Variants in FOXN3 observed in about 807,000 individuals in gnomAD.
FOXN3 encodes the protein forkhead box N3.
FOXN3 carries 7 observed loss-of-function variants against 38.4 expected under a neutral mutation model. The observed-to-expected ratio is 0.18, with a 90% CI of 0.10 to 0.34. The LOEUF is 0.34. FOXN3 is among the 10% of genes least tolerant of loss of function. FOXN3 has a pLI of 1.00. For missense variants in FOXN3, 456 were observed against 613.4 expected (o/e 0.74, Z 2.71); for synonymous variants, 230 against 242.2 (o/e 0.95, Z 0.47).
chr14:89,222,829 T>A (rs943796479), intron 4 of FOXN3, among the ~76,000 whole-genome samples: 1 of 152,160 alleles, frequency 6.6e-6, no homozygotes, highest in Non-Finnish European at 1.5e-5. Flanking sequence ...AAAATAAAAA[T>A]TTTAAAAAAG....
At chr14:89,344,061 C>T (rs904389034) in intron 3 of FOXN3, among the ~76,000 whole-genome samples, 3 of 152,080 alleles carry the variant, frequency 2.0e-5, no homozygotes, top group Non-Finnish European at 2.9e-5. Flanking sequence ...CGCATCGAGC[C>T]GAGAAACTTT....
intron 1 of FOXN3, among the ~76,000 whole-genome samples, chr14:89,475,729 T>C (rs767355757): frequency 1.3e-5 from 2 of 152,216 alleles, no homozygotes; most frequent in Non-Finnish European, 2.9e-5. Flanking sequence ...AACAGCCTTG[T>C]GCCATTCCAT....
intron 5 of FOXN3, among the ~76,000 whole-genome samples, chr14:89,174,647 C>T (rs1887474519): frequency 6.6e-6 from 1 of 152,142 alleles, no homozygotes; most frequent in Non-Finnish European, 1.5e-5. Flanking sequence ...TGAGGAGCAG[C>T]TCTAGAATGT....
chr14:89,322,624 G>A (rs1353584260), intron 3 of FOXN3, among the ~76,000 whole-genome samples: 1 of 152,182 alleles, frequency 6.6e-6, no homozygotes, highest in African/African-American at 2.4e-5. Flanking sequence ...GGGGACCGGT[G>A]GGGCAGTCAA....
intron 1 of FOXN3, among the ~76,000 whole-genome samples, chr14:89,608,065 G>A (rs529374597): frequency 1.3e-5 from 2 of 151,126 alleles, no homozygotes; most frequent in East Asian, 2.0e-4. Flanking sequence ...TGAAAGCTCC[G>A]CTTCCCAGGT....
intron 2 of FOXN3, chr14:89,353,586 A>C (rs1452421702): frequency 6.6e-6 from 1 of 152,032 alleles, no homozygotes; most frequent in East Asian, 1.9e-4. Flanking sequence ...CACACTCACT[A>C]CTGGGACTTC....
chr14:89,478,075 G>C (rs78996853), intron 1 of FOXN3, among the ~76,000 whole-genome samples: 2,298 of 152,266 alleles, frequency 0.015, 51 homozygotes, highest in African/African-American at 0.052. Context: ...TCATGGGGGA[G>C]GAACCCTCAT....
intron 1 of FOXN3, among the ~76,000 whole-genome samples, chr14:89,524,349 T>TG (rs1894385145): frequency 1.0e-5 from 1 of 99,686 alleles, no homozygotes. Context: ...CACTCCAGCC[T>TG]GGCGACAGCA....
intron 3 of FOXN3, among the ~76,000 whole-genome samples, chr14:89,342,722 G>A (rs986623605): frequency 2.6e-5 from 4 of 152,048 alleles, no homozygotes; most frequent in African/African-American, 9.7e-5. Context: ...TCTCCTACCT[G>A]TTTAGCACCA....
At chr14:89,605,425 T>C (rs1195855726) in intron 1 of FOXN3, among the ~76,000 whole-genome samples, 1 of 150,614 alleles carries the variant, frequency 6.6e-6, no homozygotes, top group Admixed American at 6.6e-5. Context: ...CAAACTACTA[T>C]AGAATACATA....
At chr14:89,250,200 T>G (rs1885413811) in intron 4 of FOXN3, among the ~76,000 whole-genome samples, 1 of 152,216 alleles carries the variant, frequency 6.6e-6, no homozygotes, top group African/African-American at 2.4e-5. Context: ...AGCCTTGACT[T>G]CCTGGGCTCA....
At chr14:89,461,104 C>T (rs143505202) in intron 1 of FOXN3, among the ~76,000 whole-genome samples, 4,558 of 151,954 alleles carry the variant, frequency 0.03, 101 homozygotes, top group Admixed American at 0.045. Context: ...GAGGCCGAGG[C>T]AGGCGGATCA....
intron 2 of FOXN3, chr14:89,364,547 C>A (rs777853360): frequency 4.6e-5 from 7 of 152,324 alleles, no homozygotes; most frequent in Middle Eastern, 3.4e-3. Flanking sequence ...GCATCAGGAG[C>A]TGGATACAGA....
chr14:89,349,807 G>A (rs1402641149), intron 3 of FOXN3: 1 of 152,124 alleles, frequency 6.6e-6, no homozygotes, highest in Non-Finnish European at 1.5e-5. Context: ...CAAAGAAGTG[G>A]ACTGTAAAAT....
chr14:89,365,409 T>C (rs958483418), intron 2 of FOXN3, among the ~76,000 whole-genome samples: 2 of 152,224 alleles, frequency 1.3e-5, no homozygotes, highest in Admixed American at 1.3e-4. Context: ...TATATTGACT[T>C]TGAAATACTG....
At chr14:89,172,628 A>T (rs1226679851) in intron 5 of FOXN3, among the ~76,000 whole-genome samples, 5 of 152,228 alleles carry the variant, frequency 3.3e-5, no homozygotes, top group African/African-American at 1.2e-4. Context: ...AGATATCATA[A>T]TTCAGACACT....
At chr14:89,567,977 C>T (rs899964561) in intron 1 of FOXN3, among the ~76,000 whole-genome samples, 14 of 152,142 alleles carry the variant, frequency 9.2e-5, no homozygotes, top group African/African-American at 3.4e-4. Flanking sequence ...CCGCCTCGGC[C>T]TCCCAAAGTG....
chr14:89,488,135 TGCAGTG>T (rs1351055724), intron 1 of FOXN3, among the ~76,000 whole-genome samples: 2 of 148,018 alleles, frequency 1.4e-5, no homozygotes, highest in Non-Finnish European at 3.0e-5. Flanking sequence ...CAGACTAGAG[TGCAGTG>T]GCACAATCTC....
intron 1 of FOXN3, among the ~76,000 whole-genome samples, chr14:89,567,618 T>TGTAAAAGGTAC: frequency 1.3e-5 from 2 of 152,176 alleles, no homozygotes; most frequent in African/African-American, 4.8e-5. Flanking sequence ...AAGGGAAGAT[T>TGTAAAAGGTAC]ATTTATTGGC....
Sources: allele counts gnomAD v4.1 joint callset (sites outside exome capture counted in the v4.1 genomes callset), GRCh38; gene constraint gnomAD v4.1.1; transcripts MANE v1.5; gene names NCBI Gene and HGNC (gene_info 2026-07-23, HGNC 2026-07-21).